Variants in FMN1 observed in about 807,000 individuals in gnomAD.
The protein encoded by FMN1 is formin-1.
A neutral mutation model predicts 132.4 loss-of-function variants in FMN1; 110 were observed. The ratio of observed to expected loss-of-function variants is 0.83; its 90% CI spans 0.71 to 0.97. The LOEUF is 0.97. Ranked by LOEUF, FMN1 falls within the 50% of genes least tolerant of loss-of-function variation. FMN1 has a pLI of 0.00. For synonymous variants in FMN1, 722 were observed against 651.7 expected, an observed-to-expected ratio of 1.11 and a Z score of -1.64; for missense variants, 1,792 against 1,705.3, an observed-to-expected ratio of 1.05 and a Z score of -0.90.
intron 5 of FMN1, among the ~76,000 whole-genome samples, chr15:33,084,829 C>A (rs1242154641): frequency 1.3e-5 from 2 of 152,176 alleles, no homozygotes; most frequent in Non-Finnish European, 2.9e-5. Context: ...CAGTGTCCAT[C>A]CTGACTCACG....
At chr15:32,900,554 A>C (rs2060269923) in intron 13 of FMN1, among the ~76,000 whole-genome samples, 1 of 152,250 alleles carries the variant, frequency 6.6e-6, no homozygotes. Context: ...CAATACAGTT[A>C]AATGCAGAGC....
chr15:32,995,156 G>C (rs1450819772), intron 7 of FMN1, among the ~76,000 whole-genome samples: 1 of 151,952 alleles, frequency 6.6e-6, no homozygotes, highest in Non-Finnish European at 1.5e-5. Context: ...TTCAAATTAT[G>C]TTTATTATAC....
intron 16 of FMN1, among the ~76,000 whole-genome samples, chr15:32,873,338 G>A (rs922561496): frequency 1.1e-4 from 17 of 152,324 alleles, no homozygotes; most frequent in African/African-American, 3.9e-4. Context: ...AGTTTAGAGT[G>A]GGTAACAAAG....
intron 4 of FMN1, among the ~76,000 whole-genome samples, chr15:33,089,594 C>G (rs2038833318): frequency 6.6e-6 from 1 of 152,186 alleles, no homozygotes; most frequent in Non-Finnish European, 1.5e-5. Context: ...AACTATGTGC[C>G]AGACACTGTT....
chr15:33,155,864 G>A (rs12594079), intron 3 of FMN1, among the ~76,000 whole-genome samples: 46,638 of 151,892 alleles, frequency 0.31, 8,868 homozygotes, highest in Admixed American at 0.41. Flanking sequence ...GTGATATGAG[G>A]GACCTCAGAA....
intron 10 of FMN1, among the ~76,000 whole-genome samples, chr15:32,921,883 G>A (rs568820479): frequency 6.6e-6 from 1 of 152,080 alleles, no homozygotes; most frequent in South Asian, 2.1e-4. Context: ...ATGTTGGCCA[G>A]GTTGGTCTCG....
intron 3 of FMN1, among the ~76,000 whole-genome samples, chr15:33,167,809 A>G (rs1443952183): frequency 6.6e-6 from 1 of 152,228 alleles, no homozygotes; most frequent in Non-Finnish European, 1.5e-5. Flanking sequence ...TTTATTCTTT[A>G]TTAAGTGGAA....
intron 17 of FMN1, among the ~76,000 whole-genome samples, chr15:32,840,836 G>A (rs1437142758): frequency 6.6e-6 from 1 of 152,134 alleles, no homozygotes; most frequent in Non-Finnish European, 1.5e-5. Flanking sequence ...AAGAAAATGT[G>A]CACACACTGT....
intron 17 of FMN1, among the ~76,000 whole-genome samples, chr15:32,855,263 G>A (rs1460990775): frequency 6.6e-6 from 1 of 150,646 alleles, no homozygotes; most frequent in Non-Finnish European, 1.5e-5. Context: ...CGGGTATCAA[G>A]ATTTTAAAAA....
At chr15:32,885,716 G>A (rs2059881508) in intron 16 of FMN1, among the ~76,000 whole-genome samples, 2 of 152,056 alleles carry the variant, frequency 1.3e-5, no homozygotes, top group African/African-American at 4.8e-5. Context: ...TCTGAAAGAT[G>A]CTTAATGACA....
intron 17 of FMN1, among the ~76,000 whole-genome samples, chr15:32,833,626 C>T (rs1344096258): frequency 6.6e-6 from 1 of 152,186 alleles, no homozygotes; most frequent in East Asian, 1.9e-4. Flanking sequence ...AAAGGGTTAA[C>T]AAGTCTGAAC....
chr15:32,804,535 C>T (rs2057603420), intron 17 of FMN1, among the ~76,000 whole-genome samples: 1 of 138,246 alleles, frequency 7.2e-6, no homozygotes, highest in Non-Finnish European at 1.5e-5. Flanking sequence ...TTAAATTATA[C>T]TAAGTTCTAG....
chr15:32,935,274 C>A (rs1439772936), intron 9 of FMN1, among the ~76,000 whole-genome samples: 1 of 152,134 alleles, frequency 6.6e-6, no homozygotes, highest in Non-Finnish European at 1.5e-5. Context: ...TCTTTCATTG[C>A]TTTGAATATA....
chr15:32,976,105 G>T lies in FMN1; in HGVS notation c.2224-6628C>A, dbSNP rs1340912211. 2.6e-5 allele frequency among the ~76,000 whole-genome samples: 4 copies of T among 152,116 alleles called. No homozygotes were observed. The East Asian group carries it at 7.7e-4, about 29-fold the overall frequency. On this transcript the variant is annotated intron_variant, in intron 7 of 20. Transcript: ENST00000616417. ...TTGTTGTTAAAAACATTCTCTCTAG[G>T]TGGTGCTGCCAGGGCCAATAAAAAA...
intron 17 of FMN1, among the ~76,000 whole-genome samples, chr15:32,850,204 T>C (rs907341627): frequency 6.6e-5 from 10 of 152,250 alleles, no homozygotes; most frequent in East Asian, 1.9e-4. Flanking sequence ...ACAGGTTACA[T>C]TGTTCAGATT....
chr15:33,005,063 T>C (rs1255255006), intron 7 of FMN1, among the ~76,000 whole-genome samples: 1 of 152,006 alleles, frequency 6.6e-6, no homozygotes, highest in Non-Finnish European at 1.5e-5. Flanking sequence ...CGGGGAGGGA[T>C]AGCATTAGGA....
At chr15:32,833,242 A>T (rs991248359) in intron 17 of FMN1, among the ~76,000 whole-genome samples, 1 of 152,220 alleles carries the variant, frequency 6.6e-6, no homozygotes, top group African/African-American at 2.4e-5. Context: ...GGATAAGTAG[A>T]AAATACGTAA....
intron 16 of FMN1, among the ~76,000 whole-genome samples, chr15:32,872,699 G>A (rs1018398918): frequency 6.6e-6 from 1 of 152,210 alleles, no homozygotes; most frequent in African/African-American, 2.4e-5. Flanking sequence ...TGGCTACAAA[G>A]AGGCCAGTGA....
rs1333531132 is a variant in FMN1 at position 32,923,103 on chromosome 15, T to C, written c.3226+3071A>G. ...TATGAGTTAATCCCTCTGGGCTTTG[T>C]GCATGGCTAAAGGTGAATATACGAC... On this transcript the variant is annotated intron_variant, in intron 10 of 20. Transcript: ENST00000616417. 5.3e-5 allele frequency among the ~76,000 whole-genome samples: 8 copies of C among 152,208 alleles called. No individual in the cohort carries two copies. In the South Asian group the frequency reaches 6.2e-4, roughly 12 times the overall value.
Sources: allele counts gnomAD v4.1 joint callset (sites outside exome capture counted in the v4.1 genomes callset), GRCh38; gene constraint gnomAD v4.1.1; transcripts MANE v1.5; gene names NCBI Gene and HGNC (gene_info 2026-07-23, HGNC 2026-07-21).